KCNH8: variants seen among roughly 807,000 people sequenced by gnomAD.
KCNH8 encodes the protein voltage-gated delayed rectifier potassium channel KCNH8.
In KCNH8, 70 loss-of-function variants were observed where a neutral mutation model predicts 103.6. The observed-to-expected ratio is 0.68, with a 90% CI of 0.56 to 0.82. KCNH8 has a LOEUF of 0.82. Among genes scored for constraint, KCNH8 ranks in the 40% least tolerant of loss-of-function variants. The pLI, the probability that KCNH8 is intolerant of heterozygous loss-of-function variation, is 0.00. For missense variants in KCNH8, 1,217 were observed against 1,329.9 expected (o/e 0.92, Z 1.32); for synonymous variants, 498 against 489.4 (o/e 1.02, Z -0.23).
intron 5 of KCNH8, among the ~76,000 whole-genome samples, chr3:19,358,249 CTT>C (rs2065906075): frequency 6.9e-6 from 1 of 144,584 alleles, no homozygotes; most frequent in Non-Finnish European, 1.5e-5. Context: ...TTCTTTCTTT[CTT>C]TCTCTCTCTC....
chr3:19,362,742 C>A (rs1406329575), intron 5 of KCNH8, among the ~76,000 whole-genome samples: 1 of 152,142 alleles, frequency 6.6e-6, no homozygotes. Context: ...CAGCTCACTG[C>A]AGCCTCAATC....
intron 1 of KCNH8, among the ~76,000 whole-genome samples, chr3:19,240,976 C>A (rs1019868535): frequency 1.1e-4 from 16 of 152,232 alleles, no homozygotes; most frequent in Admixed American, 8.5e-4. Flanking sequence ...CATGATAACC[C>A]TCTACTAGTC....
At chr3:19,286,244 C>A (rs1175682412) in intron 3 of KCNH8, among the ~76,000 whole-genome samples, 2 of 152,134 alleles carry the variant, frequency 1.3e-5, no homozygotes, top group African/African-American at 4.8e-5. Flanking sequence ...TATATTGAAG[C>A]CTTAACCCCC....
intron 1 of KCNH8, among the ~76,000 whole-genome samples, chr3:19,155,541 T>C (rs1035137664): frequency 7.2e-5 from 11 of 152,194 alleles, no homozygotes; most frequent in African/African-American, 2.7e-4. Context: ...GGCTCCCTGC[T>C]GCCTTTTGGA....
At chr3:19,476,448 A>T (rs1270714941) in intron 11 of KCNH8, among the ~76,000 whole-genome samples, 2 of 152,144 alleles carry the variant, frequency 1.3e-5, no homozygotes, top group Non-Finnish European at 2.9e-5. Context: ...CTCGGTGGGT[A>T]TCCTGAAAAT....
At chr3:19,408,940 T>C (rs1265101843) in intron 7 of KCNH8, among the ~76,000 whole-genome samples, 1 of 151,994 alleles carries the variant, frequency 6.6e-6, no homozygotes, top group Non-Finnish European at 1.5e-5. Context: ...ACCTGGAAAA[T>C]ATATTTGAGG....
intron 11 of KCNH8, among the ~76,000 whole-genome samples, chr3:19,489,586 A>C (rs2125222736): frequency 6.6e-6 from 1 of 152,134 alleles, no homozygotes; most frequent in South Asian, 2.1e-4. Context: ...CAAAGTTCTA[A>C]GTTTTCTTGG....
At chr3:19,193,978 C>G (rs2063577313) in intron 1 of KCNH8, among the ~76,000 whole-genome samples, 1 of 151,578 alleles carries the variant, frequency 6.6e-6, no homozygotes, top group Admixed American at 6.6e-5. Flanking sequence ...GACTATGGAA[C>G]AATTTTGATA....
At chr3:19,441,959 GA>G (rs2067291126) in intron 8 of KCNH8, among the ~76,000 whole-genome samples, 1 of 152,148 alleles carries the variant, frequency 6.6e-6, no homozygotes, top group Non-Finnish European at 1.5e-5. Context: ...TAAACATGTG[GA>G]AAGAGTTTTA....
At chr3:19,242,793 T>C (rs1161320651) in intron 1 of KCNH8, among the ~76,000 whole-genome samples, 1 of 150,886 alleles carries the variant, frequency 6.6e-6, no homozygotes, top group East Asian at 1.9e-4. Context: ...TTTATGAAAC[T>C]GCAAATGTAA....
intron 1 of KCNH8, among the ~76,000 whole-genome samples, chr3:19,238,065 A>AT (rs2064088053): frequency 6.6e-6 from 1 of 152,144 alleles, no homozygotes; most frequent in African/African-American, 2.4e-5. Context: ...AATTTCTTAG[A>AT]TTTTTCAAAT....
At chr3:19,526,973 G>T (rs1253178476) in intron 15 of KCNH8, among the ~76,000 whole-genome samples, 1 of 151,898 alleles carries the variant, frequency 6.6e-6, no homozygotes, top group East Asian at 1.9e-4. Context: ...ACATGTAGTA[G>T]CTGCCCTACC....
intron 5 of KCNH8, among the ~76,000 whole-genome samples, chr3:19,363,364 C>T (rs9873431): frequency 0.19 from 28,187 of 152,034 alleles, 3,179 homozygotes; most frequent in African/African-American, 0.32. Flanking sequence ...TTTCAGCTCC[C>T]CCTCCTTTTT....
intron 1 of KCNH8, among the ~76,000 whole-genome samples, chr3:19,231,151 C>G (rs1469430274): frequency 6.6e-6 from 1 of 152,014 alleles, no homozygotes; most frequent in African/African-American, 2.4e-5. Context: ...ATTACATTAA[C>G]TGAAAAAGAA....
intron 11 of KCNH8, among the ~76,000 whole-genome samples, chr3:19,500,137 T>A (rs1040247833): frequency 1.3e-5 from 2 of 152,112 alleles, no homozygotes; most frequent in Non-Finnish European, 2.9e-5. Context: ...GGGGTTGCAA[T>A]CCTAGTCTCT....
chr3:19,454,803 T>C (rs1447912688), intron 10 of KCNH8, among the ~76,000 whole-genome samples: 3 of 152,204 alleles, frequency 2.0e-5, no homozygotes, highest in Non-Finnish European at 4.4e-5. Context: ...CTACCATGTA[T>C]ACATCAAAAG....
At chr3:19,466,648 CAT>C (rs2067742231) in intron 11 of KCNH8, among the ~76,000 whole-genome samples, 1 of 107,748 alleles carries the variant, frequency 9.3e-6, no homozygotes, top group East Asian at 3.1e-4. Context: ...TGTAGCAATA[CAT>C]TTTTTTTTTT....
chr3:19,338,824 A>G (rs907446967), intron 3 of KCNH8, among the ~76,000 whole-genome samples: 14 of 152,144 alleles, frequency 9.2e-5, no homozygotes, highest in African/African-American at 3.1e-4. Flanking sequence ...GTTAATAGGA[A>G]GACACTGTTT....
intron 1 of KCNH8, among the ~76,000 whole-genome samples, chr3:19,182,193 T>C (rs1449933478): frequency 6.6e-6 from 1 of 152,130 alleles, no homozygotes; most frequent in Non-Finnish European, 1.5e-5. Flanking sequence ...GGCTCAGCTG[T>C]GTGACTTGCT....
Sources: gnomAD v4.1 joint callset for allele counts (sites outside exome capture counted in the v4.1 genomes callset) on GRCh38, gnomAD v4.1.1 for gene constraint, MANE v1.5 for transcripts, NCBI Gene and HGNC (gene_info 2026-07-23, HGNC 2026-07-21) for gene names.